GLCCI1: variants seen among roughly 807,000 people sequenced by gnomAD.
GLCCI1 encodes the protein glucocorticoid-induced transcript 1 protein.
In GLCCI1, 24 loss-of-function variants were observed where a neutral mutation model predicts 52.2. That is an observed-to-expected ratio of 0.46 (90% CI 0.33 to 0.65). The LOEUF is 0.65. Among genes scored for constraint, GLCCI1 ranks in the 30% least tolerant of loss-of-function variants. The pLI is 0.02. For missense variants in GLCCI1, 704 were observed against 701.5 expected, an observed-to-expected ratio of 1.00 and a Z score of -0.04; for synonymous variants, 310 against 276.5, an observed-to-expected ratio of 1.12 and a Z score of -1.20.
intron 3 of GLCCI1, among the ~76,000 whole-genome samples, chr7:8,033,700 A>G (rs1187379393): frequency 6.6e-6 from 1 of 152,160 alleles, no homozygotes; most frequent in Non-Finnish European, 1.5e-5. Flanking sequence ...TCCAGAATTT[A>G]TACACTGAAA....
At chr7:8,044,333 G>C (rs949420029) in intron 3 of GLCCI1, among the ~76,000 whole-genome samples, 1 of 150,708 alleles carries the variant, frequency 6.6e-6, no homozygotes, top group Non-Finnish European at 1.5e-5. Context: ...ACATAGGATC[G>C]AATTAAACAG....
chr7:8,030,273 T>A (rs1481333645), intron 3 of GLCCI1, among the ~76,000 whole-genome samples: 1 of 151,942 alleles, frequency 6.6e-6, no homozygotes, highest in African/African-American at 2.4e-5. Context: ...TTGACAAAGG[T>A]GCTAAGAACA....
At chr7:8,076,930 T>TA (rs1782887677) in intron 6 of GLCCI1, among the ~76,000 whole-genome samples, 1 of 152,216 alleles carries the variant, frequency 6.6e-6, no homozygotes, top group African/African-American at 2.4e-5. Flanking sequence ...TTTGAATTGT[T>TA]AAATTTTATG....
At chr7:7,985,542 A>AAATTT (rs201505419) in intron 1 of GLCCI1, among the ~76,000 whole-genome samples, 3 of 150,436 alleles carry the variant, frequency 2.0e-5, no homozygotes, top group Admixed American at 1.3e-4. Context: ...ACTTTAAGTT[A>AAATTT]AAAAAAAACC....
chr7:8,026,872 G>A (rs887261808), intron 3 of GLCCI1, among the ~76,000 whole-genome samples: 2 of 152,212 alleles, frequency 1.3e-5, no homozygotes, highest in Non-Finnish European at 2.9e-5. Flanking sequence ...AACAGTCTTT[G>A]TCTGGTAATC....
At chr7:8,010,915 C>G (rs1781250447) in intron 2 of GLCCI1, among the ~76,000 whole-genome samples, 1 of 134,674 alleles carries the variant, frequency 7.4e-6, no homozygotes. Context: ...CATATAAATC[C>G]CTACCTCATT....
chr7:7,994,614 G>A (rs1780903975), intron 1 of GLCCI1, among the ~76,000 whole-genome samples: 1 of 152,118 alleles, frequency 6.6e-6, no homozygotes, highest in Admixed American at 6.5e-5. Flanking sequence ...TGGCCTAATT[G>A]CCTCTTATTG....
chr7:8,033,396 A>T lies in GLCCI1; in HGVS notation c.696+10827A>T, dbSNP rs1781799813. 2.0e-5 allele frequency among the ~76,000 whole-genome samples: 3 copies of T among 152,142 alleles called. No individual in the cohort carries two copies. The South Asian group carries it at 6.2e-4, about 31-fold the overall frequency. The stretch of plus-strand genomic sequence containing the variant: ...ACTTTTATTCATTACTGTACAGGAG[A>T]TTCTAGCCAGTGCAGTCAGGCAAGA... On this transcript the variant is annotated intron_variant, in intron 3 of 7. Coordinates refer to ENST00000223145, the MANE Select transcript of GLCCI1 (RefSeq NM_138426.4).
chr7:8,012,362 G>A (rs1487399970), intron 2 of GLCCI1, among the ~76,000 whole-genome samples: 1 of 150,016 alleles, frequency 6.7e-6, no homozygotes, highest in African/African-American at 2.5e-5. Flanking sequence ...TATATATACT[G>A]GATATAAATC....
At chr7:8,010,192 C>G (rs978959853) in intron 2 of GLCCI1, among the ~76,000 whole-genome samples, 1 of 152,184 alleles carries the variant, frequency 6.6e-6, no homozygotes, top group African/African-American at 2.4e-5. Flanking sequence ...AACTAGAAGA[C>G]ATGATGGTGT....
intron 1 of GLCCI1, among the ~76,000 whole-genome samples, chr7:7,972,260 C>A (rs1780368126): frequency 6.6e-6 from 1 of 152,134 alleles, no homozygotes; most frequent in Non-Finnish European, 1.5e-5. Flanking sequence ...GAATGAAAAA[C>A]AACAACGTGC....
At chr7:7,970,549 C>T (rs1780329206) in intron 1 of GLCCI1, 1 of 152,598 alleles carries the variant, frequency 6.6e-6, no homozygotes, top group Non-Finnish European at 1.5e-5. Flanking sequence ...TCGTTTTTTT[C>T]CTTCCATTTT....
At chr7:8,022,441 A>G in intron 2 of GLCCI1, 42 bp from the exon 3 acceptor site, 1 of 1,100,174 alleles carries the variant, frequency 9.1e-7, no homozygotes, top group South Asian at 2.0e-5. Flanking sequence ...TAGGAAGTAG[A>G]GATAAAATTT....
At chr7:8,023,249 T>C (rs1781532476) in intron 3 of GLCCI1, among the ~76,000 whole-genome samples, 1 of 152,168 alleles carries the variant, frequency 6.6e-6, no homozygotes, top group Non-Finnish European at 1.5e-5. Context: ...TCTCCTGACC[T>C]CGTGATCCGC....
At chr7:7,991,456 A>G (rs922997658) in intron 1 of GLCCI1, among the ~76,000 whole-genome samples, 2 of 152,126 alleles carry the variant, frequency 1.3e-5, no homozygotes, top group Non-Finnish European at 2.9e-5. Context: ...AATTATAGGC[A>G]TACACCTATC....
At chr7:8,026,538 AG>A (rs1781624918) in intron 3 of GLCCI1, among the ~76,000 whole-genome samples, 1 of 152,266 alleles carries the variant, frequency 6.6e-6, no homozygotes, top group Admixed American at 6.5e-5. Flanking sequence ...AGGCCAGGAG[AG>A]AGAGTCTTGA....
intron 1 of GLCCI1, among the ~76,000 whole-genome samples, chr7:7,987,733 G>A (rs769322489): frequency 6.6e-6 from 1 of 152,110 alleles, no homozygotes; most frequent in Non-Finnish European, 1.5e-5. Context: ...GACTACAGGT[G>A]CATGCCGCCA....
At chr7:7,972,161 G>A (rs1416469530) in intron 1 of GLCCI1, among the ~76,000 whole-genome samples, 1 of 152,118 alleles carries the variant, frequency 6.6e-6, no homozygotes, top group Non-Finnish European at 1.5e-5. Flanking sequence ...ATGCTGTAAG[G>A]TTCTGACTTG....
chr7:8,086,132 G>C lies in GLCCI1; in HGVS notation c.1299-61G>C. On this transcript the variant is annotated intron_variant, in intron 7 of 7. Transcript: ENST00000223145. The surrounding 1 kb of genome is among the most constrained non-coding windows in gnomAD (Gnocchi z 4.4). ...GTTTTAGAGAACTCCAGTTAATTCAGAAAATGCTTAACTTTTTCTGTGTTC... is the reference window on the plus strand; with the variant it reads ...GTTTTAGAGAACTCCAGTTAATTCACAAAATGCTTAACTTTTTCTGTGTTC... The C allele has an allele frequency of 7.0e-7, 1 of 1,427,286 alleles. No individual in the cohort carries two copies. Among genetic ancestry groups the C allele is most frequent in the Non-Finnish European group, 9.5e-7 (1 of 1,049,886 alleles). 88.4% of individuals were successfully genotyped at this position (1,427,286 alleles called of 1,614,324 possible).
Sources: gnomAD v4.1 joint callset for allele counts (sites outside exome capture counted in the v4.1 genomes callset) on GRCh38, gnomAD v4.1.1 for gene constraint, Gnocchi (gnomAD v3.1) non-coding constraint, MANE v1.5 for transcripts, NCBI Gene and HGNC (gene_info 2026-07-23, HGNC 2026-07-21) for gene names.